The following PRICKLE1 variants were observed in gnomAD, a reference collection of about 807,000 sequenced individuals.
The protein encoded by PRICKLE1 is prickle-like protein 1.
A neutral mutation model predicts 70.2 loss-of-function variants in PRICKLE1; 14 were observed. That is an observed-to-expected ratio of 0.20 (90% CI 0.13 to 0.31). PRICKLE1 has a LOEUF of 0.31. PRICKLE1 is among the 10% of genes least tolerant of loss of function. PRICKLE1 has a pLI of 1.00. For synonymous variants in PRICKLE1, 357 were observed against 379.9 expected (o/e 0.94, Z 0.70); for missense variants, 821 against 1,026.2 (o/e 0.80, Z 2.73).
At chr12:42,581,510 C>T (rs866464170) in intron 1 of PRICKLE1, among the ~76,000 whole-genome samples, 21 of 151,790 alleles carry the variant, frequency 1.4e-4, no homozygotes, top group Middle Eastern at 3.2e-3. Context: ...TTTGGGAGGG[C>T]GAGACAGGTG....
intron 1 of PRICKLE1, among the ~76,000 whole-genome samples, chr12:42,480,668 A>C (rs547165422): frequency 6.6e-6 from 1 of 152,370 alleles, no homozygotes; most frequent in Non-Finnish European, 1.5e-5. Context: ...ATATACATAA[A>C]TGAGCCATAA....
intron 1 of PRICKLE1, among the ~76,000 whole-genome samples, chr12:42,507,590 C>CT (rs1009954710): frequency 1.3e-5 from 2 of 152,050 alleles, no homozygotes; most frequent in African/African-American, 2.4e-5. Context: ...TATGGAAGAA[C>CT]TTTTTTTTGA....
chr12:42,538,572 G>A (rs889526982), intron 1 of PRICKLE1, among the ~76,000 whole-genome samples: 2 of 152,114 alleles, frequency 1.3e-5, no homozygotes, highest in East Asian at 1.9e-4. Flanking sequence ...TCCATGTCCC[G>A]AGCATGGAGT....
intron 1 of PRICKLE1, among the ~76,000 whole-genome samples, chr12:42,521,000 A>G (rs1020477033): frequency 2.6e-5 from 4 of 151,978 alleles, no homozygotes; most frequent in Non-Finnish European, 5.9e-5. Flanking sequence ...GTGAAACCCC[A>G]TCTCTACCAA....
intron 1 of PRICKLE1, among the ~76,000 whole-genome samples, chr12:42,565,669 A>G (rs1039323998): frequency 6.6e-6 from 1 of 152,154 alleles, no homozygotes; most frequent in Non-Finnish European, 1.5e-5. Flanking sequence ...TGTGTACTTG[A>G]TTAGATCTGC....
At chr12:42,473,520 A>G (rs1389946387) in intron 1 of PRICKLE1, among the ~76,000 whole-genome samples, 1 of 152,236 alleles carries the variant, frequency 6.6e-6, no homozygotes. Context: ...TCTTCTGATT[A>G]TTAAAATCAT....
chr12:42,470,289 C>T lies in PRICKLE1; in HGVS notation c.203G>A (p.Arg68Gln), dbSNP rs774440655. The change falls in exon 3 of 8, where the codon CGG becomes CAG. Residue 68 changes from arginine to glutamine, a missense_variant. Transcript: ENST00000345127. ...PYVNSPGEKH[R>Q]IKQLLYQLPP... ...TAACTGGTACAAAAGCTGTTTAATC[C>T]GATGCTTCTCTCCGGGGCTGTTAAC... 2 of 1,613,994 alleles carry T rather than the reference C, an allele frequency of 1.2e-6. No homozygotes were observed. The highest frequency in any genetic ancestry group is 1.6e-4 in the Middle Eastern group (1 of 6,062).
At position 42,495,236 on chromosome 12, in the gene PRICKLE1, A is replaced by C. The variant is rs187064250; in HGVS notation, c.-48-22672T>G. Among the ~76,000 whole-genome samples the C allele has an allele frequency of 1.8e-3, 243 of 134,516 alleles. 3 individuals are homozygous for C. The highest frequency in any genetic ancestry group is 2.4e-3 in the Non-Finnish European group (146 of 59,778). 88.2% of individuals were successfully genotyped at this position (134,516 alleles called of 152,430 possible). A position where few individuals can be genotyped will look rare whatever the true frequency, so the allele number is the denominator to read the frequency against. On this transcript the variant is annotated intron_variant, in intron 1 of 7. Transcript: ENST00000345127. ...CAAAACAAAACAAAACAAAACAAAA[A>C]TTAGCCAGGAATGGTAGTGTGCACC...
chr12:42,465,515 C>T (rs1175644890), intron 6 of PRICKLE1: 4 of 500,414 alleles, frequency 8.0e-6, no homozygotes, highest in East Asian at 7.2e-5. Context: ...GGTAAAAATA[C>T]GAACTGAACC....
At position 42,550,409 on chromosome 12, in the gene PRICKLE1, G is replaced by C. The variant is rs150371646; in HGVS notation, c.-49+39056C>G. 8.5e-5 allele frequency: 13 copies of C among 152,254 alleles called. No homozygotes were observed. In the East Asian group the frequency reaches 2.5e-3, roughly 29 times the overall value. The allele number at this position is 152,254 out of a possible 1,614,324, so 9.4% of individuals were successfully genotyped here. A position where few individuals can be genotyped will look rare whatever the true frequency, so the allele number is the denominator to read the frequency against. ...GGAAAAGAAGAAGCAATATCATTTG[G>C]TTAAAACCAAGAAGTTTGAAGAAAT... On this transcript the variant is annotated intron_variant, in intron 1 of 7. Coordinates refer to ENST00000345127, the MANE Select transcript of PRICKLE1 (RefSeq NM_153026.3).
At chr12:42,582,064 G>A (rs1200732804) in intron 1 of PRICKLE1, among the ~76,000 whole-genome samples, 1 of 152,174 alleles carries the variant, frequency 6.6e-6, no homozygotes, top group Non-Finnish European at 1.5e-5. Flanking sequence ...TCAATATGGA[G>A]AAAGCCTGGT....
rs548555141 is a variant in PRICKLE1 at position 42,496,018 on chromosome 12, C to A, written c.-48-23454G>T. 2.0e-5 allele frequency among the ~76,000 whole-genome samples: 3 copies of A among 152,324 alleles called. No individual in the cohort carries two copies. In the East Asian group the frequency reaches 5.8e-4, roughly 29 times the overall value. On this transcript the variant is annotated intron_variant, in intron 1 of 7. Coordinates refer to ENST00000345127, the MANE Select transcript of PRICKLE1 (RefSeq NM_153026.3). Reference sequence around the variant, plus strand: ...TTAATGGCATCTGGAGTGGTAAGTCCTTTTGCAGAAAGTTTTCAGTTTACT... The same window carrying A: ...TTAATGGCATCTGGAGTGGTAAGTCATTTTGCAGAAAGTTTTCAGTTTACT...
At chr12:42,465,986 T>A (rs997907529) in intron 6 of PRICKLE1, 2 of 628,122 alleles carry the variant, frequency 3.2e-6, no homozygotes, top group African/African-American at 1.8e-5. Context: ...TGCAGTAACG[T>A]CACAGAACAC....
At chr12:42,552,017 C>T (rs1940325523) in intron 1 of PRICKLE1, among the ~76,000 whole-genome samples, 1 of 151,314 alleles carries the variant, frequency 6.6e-6, no homozygotes. Flanking sequence ...TGACTGAAAT[C>T]TCCATTAGCC....
At chr12:42,540,864 A>T (rs369310898) in intron 1 of PRICKLE1, among the ~76,000 whole-genome samples, 14 of 152,028 alleles carry the variant, frequency 9.2e-5, no homozygotes, top group African/African-American at 3.4e-4. Flanking sequence ...CCCAGCCAAA[A>T]TATTTTCTTC....
chr12:42,510,045 C>G (rs990303447), intron 1 of PRICKLE1, among the ~76,000 whole-genome samples: 17 of 150,806 alleles, frequency 1.1e-4, no homozygotes, highest in Non-Finnish European at 2.4e-4. Context: ...TGCACTCCAG[C>G]CTGGGTGACA....
chr12:42,509,656 C>T (rs1939478003), intron 1 of PRICKLE1, among the ~76,000 whole-genome samples: 1 of 152,156 alleles, frequency 6.6e-6, no homozygotes, highest in South Asian at 2.1e-4. Flanking sequence ...GGCAACATAG[C>T]AAGACCTCGT....
At chr12:42,532,885 A>G (rs1367683085) in intron 1 of PRICKLE1, among the ~76,000 whole-genome samples, 1 of 115,834 alleles carries the variant, frequency 8.6e-6, no homozygotes, top group Non-Finnish European at 1.8e-5. Flanking sequence ...CGAGAGTGAG[A>G]CTCCGTCTCA....
chr12:42,479,910 T>A (rs1242894055), intron 1 of PRICKLE1, among the ~76,000 whole-genome samples: 1 of 151,718 alleles, frequency 6.6e-6, no homozygotes, highest in Non-Finnish European at 1.5e-5. Flanking sequence ...ACCAAGATCA[T>A]GCCATTGCAC....
Sources: gnomAD v4.1 joint callset for allele counts (sites outside exome capture counted in the v4.1 genomes callset) on GRCh38, gnomAD v4.1.1 for gene constraint, MANE v1.5 for transcripts, NCBI Gene and HGNC (gene_info 2026-07-23, HGNC 2026-07-21) for gene names.